The following TAOK3 variants were observed in gnomAD, a reference collection of about 807,000 sequenced individuals.
TAOK3 encodes serine/threonine-protein kinase TAO3.
In TAOK3, 40 loss-of-function variants were observed where a neutral mutation model predicts 120.4. The ratio of observed to expected loss-of-function variants is 0.33; its 90% CI spans 0.26 to 0.43. TAOK3 has a LOEUF of 0.43. Among genes scored for constraint, TAOK3 ranks in the 20% least tolerant of loss-of-function variants. The probability of loss-of-function intolerance (pLI) is 1.00; values close to 1 mark genes in which losing one functional copy is unlikely to be tolerated. For synonymous variants in TAOK3, 355 were observed against 387.5 expected (o/e 0.92, Z 0.99); for missense variants, 821 against 1,112.1 (o/e 0.74, Z 3.72).
chr12:118,172,314 G>T (rs1244665475), intron 17 of TAOK3, 143 bp downstream of exon 17: 2 of 804,364 alleles, frequency 2.5e-6, no homozygotes, highest in Admixed American at 2.8e-5. Flanking sequence ...GACTTTTTTT[G>T]TATACCTACT....
At chr12:118,324,760 T>TG (rs2043861971) in intron 1 of TAOK3, among the ~76,000 whole-genome samples, 1 of 144,012 alleles carries the variant, frequency 6.9e-6, no homozygotes, top group African/African-American at 2.6e-5. Context: ...TTTTTTTTTT[T>TG]TTGAGACGGA....
intron 1 of TAOK3, among the ~76,000 whole-genome samples, chr12:118,330,525 T>C (rs1383552187): frequency 1.3e-5 from 2 of 152,000 alleles, no homozygotes; most frequent in African/African-American, 4.8e-5. Flanking sequence ...ATGGTGTAAG[T>C]GTATGTGCGT....
At chr12:118,247,149 G>A (rs954188111) in intron 3 of TAOK3, among the ~76,000 whole-genome samples, 3 of 152,162 alleles carry the variant, frequency 2.0e-5, no homozygotes, top group African/African-American at 7.2e-5. Context: ...TGGCTAGTGT[G>A]ACTGAGAAAA....
intron 1 of TAOK3, among the ~76,000 whole-genome samples, chr12:118,292,030 A>T (rs2042504304): frequency 6.6e-6 from 1 of 151,842 alleles, no homozygotes; most frequent in South Asian, 2.1e-4. Flanking sequence ...GATGATCTTG[A>T]TCTCCTGACC....
At chr12:118,251,116 G>T (rs1012309800) in intron 3 of TAOK3, among the ~76,000 whole-genome samples, 9 of 152,130 alleles carry the variant, frequency 5.9e-5, no homozygotes, top group African/African-American at 2.2e-4. Context: ...AAGGGGATGG[G>T]ATGAGATTTA....
intron 11 of TAOK3, among the ~76,000 whole-genome samples, chr12:118,203,773 T>TA (rs1394954546): frequency 1.3e-5 from 2 of 151,498 alleles, no homozygotes; most frequent in East Asian, 3.9e-4. Flanking sequence ...CCACCTGTTG[T>TA]AAAAAGAAGT....
At chr12:118,201,677 C>T (rs947210248) in intron 11 of TAOK3, among the ~76,000 whole-genome samples, 5 of 151,960 alleles carry the variant, frequency 3.3e-5, no homozygotes, top group South Asian at 2.1e-4. Context: ...CCCCATTTTG[C>T]GGATGTGAGA....
At chr12:118,162,155 T>C in intron 17 of TAOK3, 128 bp from the exon 18 acceptor site, 1 of 1,186,454 alleles carries the variant, frequency 8.4e-7, no homozygotes, top group Non-Finnish European at 1.2e-6. Flanking sequence ...CATTAGTGTT[T>C]GGCAGCAGGA....
At chr12:118,153,199 G>A (rs1304229624) in intron 19 of TAOK3, among the ~76,000 whole-genome samples, 1 of 152,146 alleles carries the variant, frequency 6.6e-6, no homozygotes, top group Non-Finnish European at 1.5e-5. Context: ...TTGAGGCCTG[G>A]CATTCAATAC....
rs2045920535 is a variant in TAOK3, at chr12:118,372,231, C to A, written c.-194+417G>T. On this transcript the variant is annotated intron_variant, in intron 1 of 20. Transcript: ENST00000392533. The surrounding 1 kb of genome is among the most constrained non-coding windows in gnomAD (Gnocchi z 4.6). ...CCATCTCTCAGACTCTCAGTGCCGG[C>A]CCCTCTCGGGGACCCTTCCCCTCTC... Among the ~76,000 whole-genome samples the A allele has an allele frequency of 6.6e-6, 1 of 151,698 alleles. No individual in the cohort carries two copies. The highest frequency in any genetic ancestry group is 2.4e-5 in the African/African-American group (1 of 41,308).
rs551944124 is a variant in TAOK3, at chr12:118,362,399, G to A, written c.-194+10249C>T. 2.0e-5 allele frequency among the ~76,000 whole-genome samples: 3 copies of A among 148,812 alleles called. No homozygotes were observed. In the East Asian group the frequency reaches 6.2e-4, roughly 31 times the overall value. The stretch of plus-strand genomic sequence containing the variant: ...TTAAGAAAGTTTACAAATTTGTGTT[G>A]TGCCCCATTCAAAGCCATCCTGGGG... On this transcript the variant is annotated intron_variant, in intron 1 of 20. Coordinates refer to ENST00000392533, the MANE Select transcript of TAOK3 (RefSeq NM_016281.4).
chr12:118,232,203 T>C (rs1396362435), intron 9 of TAOK3, among the ~76,000 whole-genome samples: 1 of 152,198 alleles, frequency 6.6e-6, no homozygotes, highest in Non-Finnish European at 1.5e-5. Flanking sequence ...TTTGTTAAAT[T>C]TACCAGTATA....
intron 9 of TAOK3, among the ~76,000 whole-genome samples, chr12:118,226,350 T>C (rs988584160): frequency 1.3e-5 from 2 of 150,980 alleles, no homozygotes; most frequent in Non-Finnish European, 2.9e-5. Context: ...CACTCCAGCC[T>C]GGGCGACAGA....
intron 13 of TAOK3, 60 bp from the exon 14 acceptor site, chr12:118,190,001 C>T (rs2037346734): frequency 6.3e-7 from 1 of 1,598,720 alleles, no homozygotes; most frequent in South Asian, 1.1e-5. Context: ...CGCCGGCTGC[C>T]TCTCTCTCAC....
intron 1 of TAOK3, among the ~76,000 whole-genome samples, chr12:118,326,617 C>A (rs779084083): frequency 1.3e-4 from 20 of 152,048 alleles, no homozygotes; most frequent in African/African-American, 2.7e-4. Context: ...TAATAGCAAC[C>A]CCTCTACATT....
At chr12:118,296,370 G>A (rs531925098) in intron 1 of TAOK3, among the ~76,000 whole-genome samples, 10 of 152,138 alleles carry the variant, frequency 6.6e-5, no homozygotes, top group Non-Finnish European at 1.2e-4. Context: ...CTGACCTCAG[G>A]TGATCCACCC....
intron 3 of TAOK3, among the ~76,000 whole-genome samples, chr12:118,254,241 C>G (rs894632956): frequency 7.2e-5 from 11 of 152,146 alleles, no homozygotes; most frequent in Non-Finnish European, 1.5e-5. Context: ...ATGATTGCCA[C>G]TAAAAATCAC....
At chr12:118,298,276 AG>A (rs1171789612) in intron 1 of TAOK3, among the ~76,000 whole-genome samples, 4 of 152,224 alleles carry the variant, frequency 2.6e-5, no homozygotes, top group Non-Finnish European at 5.9e-5. Flanking sequence ...GCATCACCTG[AG>A]CATCTTGTTA....
chr12:118,319,510 A>T (rs1185902106), intron 1 of TAOK3, among the ~76,000 whole-genome samples: 2 of 152,210 alleles, frequency 1.3e-5, no homozygotes. Flanking sequence ...CAATTTTGAA[A>T]TGAGAACTAG....
Sources: gnomAD v4.1 joint callset for allele counts (sites outside exome capture counted in the v4.1 genomes callset) on GRCh38, gnomAD v4.1.1 for gene constraint, Gnocchi (gnomAD v3.1) non-coding constraint, MANE v1.5 for transcripts, NCBI Gene and HGNC (gene_info 2026-07-23, HGNC 2026-07-21) for gene names.